The following HDAC9 variants were observed in gnomAD, a reference collection of about 807,000 sequenced individuals.
HDAC9 encodes MEF-2 interacting transcription repressor (MITR) protein.
A neutral mutation model predicts 139.4 loss-of-function variants in HDAC9; 41 were observed. The ratio of observed to expected loss-of-function variants is 0.29; its 90% CI spans 0.23 to 0.38. The LOEUF is 0.38. HDAC9 is among the 10% of genes least tolerant of loss of function. The probability of loss-of-function intolerance (pLI) is 1.00; values close to 1 mark genes in which losing one functional copy is unlikely to be tolerated. For synonymous variants in HDAC9, 517 were observed against 476.2 expected, an observed-to-expected ratio of 1.09 and a Z score of -1.12; for missense variants, 1,147 against 1,297.0, an observed-to-expected ratio of 0.88 and a Z score of 1.78.
chr7:18,158,123 A>G (rs377078730), intron 1 of HDAC9, among the ~76,000 whole-genome samples: 1 of 152,218 alleles, frequency 6.6e-6, no homozygotes, highest in Non-Finnish European at 1.5e-5. Flanking sequence ...TACATAGACT[A>G]TAAAAGCGTT....
chr7:18,818,306 A>G (rs1794716459), intron 17 of HDAC9, among the ~76,000 whole-genome samples: 3 of 152,238 alleles, frequency 2.0e-5, no homozygotes, highest in African/African-American at 7.2e-5. Flanking sequence ...AATCCCGATC[A>G]GCTGGTCTGA....
chr7:18,641,611 T>A lies in HDAC9; in HGVS notation c.913-3060T>A, dbSNP rs369156735. On this transcript the variant is annotated intron_variant, in intron 8 of 25. Coordinates refer to ENST00000686413, the MANE Select transcript of HDAC9 (RefSeq NM_178425.4). ...TCTTTGGTTCTGAAAAATTTTCAGA[T>A]TAAAACCGTCATTTCCATGTTCTAA... Among the ~76,000 whole-genome samples, 3 of 152,248 alleles carry A rather than the reference T, an allele frequency of 2.0e-5. No individual in the cohort carries two copies. In the South Asian group the frequency reaches 6.2e-4, roughly 32 times the overall value.
chr7:18,190,948 C>T lies in HDAC9; in HGVS notation c.25+28599C>T, dbSNP rs1393887275. Among the ~76,000 whole-genome samples the T allele has an allele frequency of 3.5e-4, 53 of 152,090 alleles. 1 individual carries two copies. The highest frequency in any genetic ancestry group is 3.4e-3 in the Admixed American group (52 of 15,266). On this transcript the variant is annotated intron_variant, in intron 2 of 12. Transcript: ENST00000417496. ...TCACCCACTGTCAAAAGTCTACTTCCCTATCACCAATAAATACTTGAATAC... is the reference window on the plus strand; with the variant it reads ...TCACCCACTGTCAAAAGTCTACTTCTCTATCACCAATAAATACTTGAATAC...
intron 1 of HDAC9, among the ~76,000 whole-genome samples, chr7:18,466,889 A>G (rs990630441): frequency 2.0e-5 from 3 of 152,230 alleles, no homozygotes; most frequent in Non-Finnish European, 4.4e-5. Flanking sequence ...GGGAAACCTT[A>G]TTCTTCTCAA....
In HDAC9 at chr7:18,358,855, T is replaced by G. The variant is rs115653392; in HGVS notation, c.-42+68340T>G. The stretch of plus-strand genomic sequence containing the variant: ...GAAAATTGAGGTATAATAACCACGT[T>G]AGAAGAATGTGGTGAGGATTATGTG... On this transcript the variant is annotated intron_variant, in intron 1 of 3. Coordinates refer to the HDAC9 transcript ENST00000413509. Among the ~76,000 whole-genome samples, 420 of 152,324 alleles carry G rather than the reference T, an allele frequency of 2.8e-3. 1 individual carries two copies. Among genetic ancestry groups the G allele is most frequent in the African/African-American group, 9.5e-3 (393 of 41,576 alleles).
intron 16 of HDAC9, among the ~76,000 whole-genome samples, chr7:18,775,145 C>T (rs547290471): frequency 2.6e-5 from 4 of 151,846 alleles, no homozygotes; most frequent in Non-Finnish European, 5.9e-5. Context: ...TATATGGGCA[C>T]GATTCATGGT....
chr7:18,825,762 A>G (rs1010656256), intron 17 of HDAC9, among the ~76,000 whole-genome samples: 2 of 148,280 alleles, frequency 1.3e-5, no homozygotes, highest in African/African-American at 4.9e-5. Context: ...ATAATTATCA[A>G]AATTATATAG....
intron 16 of HDAC9, among the ~76,000 whole-genome samples, chr7:18,775,174 T>C (rs974109165): frequency 1.3e-5 from 2 of 151,974 alleles, no homozygotes; most frequent in Non-Finnish European, 1.5e-5. Context: ...ACAATTATAA[T>C]AGTACTATCA....
chr7:18,461,987 G>A (rs1197713498), intron 1 of HDAC9, among the ~76,000 whole-genome samples: 2 of 152,020 alleles, frequency 1.3e-5, no homozygotes, highest in African/African-American at 4.8e-5. Context: ...ACTGAGCAGT[G>A]TGGTCGTGAT....
At chr7:18,845,305 T>C (rs995969639) in intron 21 of HDAC9, among the ~76,000 whole-genome samples, 2 of 152,084 alleles carry the variant, frequency 1.3e-5, no homozygotes, top group Admixed American at 1.3e-4. Context: ...AGAGAGAGGG[T>C]GAGTCTGGCA....
intron 2 of HDAC9, among the ~76,000 whole-genome samples, chr7:18,236,112 A>G (rs1301652224): frequency 6.6e-6 from 1 of 152,328 alleles, no homozygotes; most frequent in African/African-American, 2.4e-5. Context: ...GAGACTGGAA[A>G]AAGACCAATG....
intron 21 of HDAC9, among the ~76,000 whole-genome samples, chr7:18,867,138 CA>C (rs1798556683): frequency 1.3e-5 from 2 of 152,180 alleles, no homozygotes; most frequent in South Asian, 2.1e-4. Flanking sequence ...TGGGTTTCAC[CA>C]GGGGTGGAGA....
At chr7:18,242,727 A>G (rs774785824) in intron 2 of HDAC9, among the ~76,000 whole-genome samples, 1 of 151,900 alleles carries the variant, frequency 6.6e-6, no homozygotes, top group Non-Finnish European at 1.5e-5. Flanking sequence ...ACTTTTTTCT[A>G]CTATATCTCC....
At chr7:18,195,841 A>G (rs557212822) in intron 2 of HDAC9, among the ~76,000 whole-genome samples, 5 of 152,268 alleles carry the variant, frequency 3.3e-5, no homozygotes, top group Admixed American at 2.6e-4. Context: ...TCATAACGTG[A>G]ACACATATAT....
chr7:18,240,791 C>G (rs1794139250), intron 2 of HDAC9, among the ~76,000 whole-genome samples: 1 of 152,196 alleles, frequency 6.6e-6, no homozygotes, highest in South Asian at 2.1e-4. Flanking sequence ...CTTGTTCATT[C>G]TACTCCACAC....
intron 1 of HDAC9, among the ~76,000 whole-genome samples, chr7:18,332,145 A>C (rs1195317647): frequency 1.3e-5 from 2 of 151,742 alleles, no homozygotes; most frequent in East Asian, 3.9e-4. Context: ...AGTAATTCAC[A>C]CACAGATACT....
chr7:18,687,532 T>G (rs1227956484), intron 12 of HDAC9, among the ~76,000 whole-genome samples: 1 of 151,868 alleles, frequency 6.6e-6, no homozygotes, highest in Non-Finnish European at 1.5e-5. Flanking sequence ...CAGTGAATTT[T>G]GCATTCTTTT....
At chr7:18,768,871 A>G (rs913583525) in intron 16 of HDAC9, among the ~76,000 whole-genome samples, 1 of 152,104 alleles carries the variant, frequency 6.6e-6, no homozygotes, top group African/African-American at 2.4e-5. Context: ...CAGCCATTCT[A>G]TTTTTCACTT....
At chr7:18,428,594 T>C (rs1790339849) in intron 1 of HDAC9, among the ~76,000 whole-genome samples, 1 of 152,176 alleles carries the variant, frequency 6.6e-6, no homozygotes, top group South Asian at 2.1e-4. Context: ...TTAGGATGGC[T>C]AACCTCAAAA....
Sources: gnomAD v4.1 joint callset for allele counts (sites outside exome capture counted in the v4.1 genomes callset) on GRCh38, gnomAD v4.1.1 for gene constraint, MANE v1.5 for transcripts, NCBI Gene and HGNC (gene_info 2026-07-23, HGNC 2026-07-21) for gene names.